The following RNF6 variants were observed in gnomAD, a reference collection of about 807,000 sequenced individuals.
RNF6 encodes E3 ubiquitin-protein ligase RNF6.
Under a neutral mutation model 50.1 loss-of-function variants are expected in RNF6, and 21 were observed. That is an observed-to-expected ratio of 0.42 (90% CI 0.30 to 0.60). RNF6 has a LOEUF of 0.60. Ranked by LOEUF, RNF6 falls within the 20% of genes least tolerant of loss-of-function variation. The pLI, the probability that RNF6 is intolerant of heterozygous loss-of-function variation, is 0.20. For missense variants in RNF6, 698 were observed against 838.2 expected, an observed-to-expected ratio of 0.83 and a Z score of 2.07; for synonymous variants, 255 against 291.8, an observed-to-expected ratio of 0.87 and a Z score of 1.29.
At chr13:26,160,065 T>C (rs1872122801) in intron 5 of RNF6, among the ~76,000 whole-genome samples, 2 of 152,168 alleles carry the variant, frequency 1.3e-5, no homozygotes, top group Non-Finnish European at 2.9e-5. Flanking sequence ...TTGTCTGAAC[T>C]ACAAATCTTA....
In RNF6 at chr13:26,215,381, T is replaced by A; in HGVS notation, c.501A>T (p.Glu167Asp). Residue 167 changes from glutamate to aspartate, a missense_variant, in exon 5 of 5, where the codon GAA becomes GAT. By Grantham distance (45) the Glu-to-Asp change is conservative. Coordinates refer to ENST00000381588, the MANE Select transcript of RNF6 (RefSeq NM_005977.4). The part of the protein sequence containing the change: ...HENRGFEIHG[E>D]DYTDIPLSDS... ...CTGAAAGTGGAATGTCTGTATAATC[T>A]TCTCCATGAATTTCAAATCCTCTAT... 1 of 1,614,234 alleles carries A rather than the reference T, an allele frequency of 6.2e-7. No individual in the cohort carries two copies. Among genetic ancestry groups the A allele is most frequent in the African/African-American group, 1.3e-5 (1 of 75,054 alleles).
chr13:26,148,304 T>C (rs1222788363), intron 5 of RNF6, among the ~76,000 whole-genome samples: 18 of 151,986 alleles, frequency 1.2e-4, no homozygotes, highest in Admixed American at 1.1e-3. Flanking sequence ...TGAGATGAGA[T>C]TTGGGTGGGG....
chr13:26,195,249 C>T (rs1868614935), intron 5 of RNF6, among the ~76,000 whole-genome samples: 1 of 109,558 alleles, frequency 9.1e-6, no homozygotes, highest in African/African-American at 3.5e-5. Context: ...AATACTAACA[C>T]AAATCAAGGC....
intron 5 of RNF6, among the ~76,000 whole-genome samples, chr13:26,188,355 T>C (rs555554533): frequency 6.6e-6 from 1 of 152,314 alleles, no homozygotes; most frequent in African/African-American, 2.4e-5. Flanking sequence ...AAGGACTTAA[T>C]TGTGGCACAG....
intron 5 of RNF6, among the ~76,000 whole-genome samples, chr13:26,197,407 G>A (rs1868708126): frequency 6.6e-6 from 1 of 151,926 alleles, no homozygotes; most frequent in African/African-American, 2.4e-5. Context: ...CCTTTGAAAT[G>A]TAATCATTAG....
intron 5 of RNF6, chr13:26,150,822 C>A (rs1028855149): frequency 2.0e-5 from 3 of 151,930 alleles, no homozygotes; most frequent in Admixed American, 1.3e-4. Flanking sequence ...TCTTCTATAA[C>A]CTCTTCAATG....
intron 5 of RNF6, among the ~76,000 whole-genome samples, chr13:26,183,921 T>C (rs1226902272): frequency 6.9e-6 from 1 of 144,660 alleles, no homozygotes; most frequent in African/African-American, 2.5e-5. Flanking sequence ...ATATATACAA[T>C]ATTTATTTTT....
At chr13:26,165,894 G>C (rs1290991454) in intron 5 of RNF6, among the ~76,000 whole-genome samples, 1 of 152,180 alleles carries the variant, frequency 6.6e-6, no homozygotes, top group Non-Finnish European at 1.5e-5. Flanking sequence ...GTGGACTTTT[G>C]AGTTAATGCT....
chr13:26,177,271 T>C (rs1873002729), intron 5 of RNF6, among the ~76,000 whole-genome samples: 1 of 152,202 alleles, frequency 6.6e-6, no homozygotes, highest in African/African-American at 2.4e-5. Context: ...TACCAGCGAC[T>C]CTACTTCATT....
chr13:26,182,392 C>A (rs532689286), intron 5 of RNF6, among the ~76,000 whole-genome samples: 3 of 152,180 alleles, frequency 2.0e-5, no homozygotes, highest in African/African-American at 7.2e-5. Flanking sequence ...ATGCCCTCCT[C>A]AATGAATCAC....
intron 5 of RNF6, among the ~76,000 whole-genome samples, chr13:26,180,683 T>G (rs1425346991): frequency 6.6e-6 from 1 of 152,226 alleles, no homozygotes; most frequent in Non-Finnish European, 1.5e-5. Context: ...ATTTAAGGTG[T>G]CTTTCCCTGA....
intron 5 of RNF6, among the ~76,000 whole-genome samples, chr13:26,168,474 G>A (rs1872545885): frequency 6.6e-6 from 1 of 152,170 alleles, no homozygotes; most frequent in Non-Finnish European, 1.5e-5. Flanking sequence ...TTTTGGGCAG[G>A]GGTAGGACCA....
At chr13:26,170,207 C>G (rs1872630447) in intron 5 of RNF6, among the ~76,000 whole-genome samples, 1 of 148,356 alleles carries the variant, frequency 6.7e-6, no homozygotes, top group South Asian at 2.2e-4. Flanking sequence ...GAGCAAACTT[C>G]CTGTTGAAAC....
intron 5 of RNF6, among the ~76,000 whole-genome samples, chr13:26,205,325 C>A (rs1006725794): frequency 6.6e-6 from 1 of 152,110 alleles, no homozygotes. Context: ...AGCCACATGA[C>A]CTTGAATAAA....
At chr13:26,154,525 T>A (rs1448527986) in intron 5 of RNF6, among the ~76,000 whole-genome samples, 1 of 152,238 alleles carries the variant, frequency 6.6e-6, no homozygotes, top group African/African-American at 2.4e-5. Context: ...CATTTGTTCA[T>A]TTATTCACTC....
intron 5 of RNF6, among the ~76,000 whole-genome samples, chr13:26,204,815 G>A (rs910658184): frequency 1.1e-4 from 17 of 152,144 alleles, no homozygotes; most frequent in African/African-American, 3.9e-4. Context: ...TAATTGAGAG[G>A]TATTCAATTC....
At chr13:26,200,122 A>T (rs1389414694) in intron 5 of RNF6, among the ~76,000 whole-genome samples, 3 of 152,224 alleles carry the variant, frequency 2.0e-5, no homozygotes, top group Non-Finnish European at 4.4e-5. Context: ...ACTGTAAGAA[A>T]TAAATATTTG....
rs1309316859 is a variant in RNF6, at chr13:26,214,699, G to A, written c.1183C>T (p.Pro395Ser). 1 of 1,614,206 alleles carries A rather than the reference G, an allele frequency of 6.2e-7. No individual in the cohort carries two copies. The highest frequency in any genetic ancestry group is 8.5e-7 in the Non-Finnish European group (1 of 1,180,036). ...SRSSTAVRRHPTITLDLQVRR... is the reference protein window; with the variant it reads ...SRSSTAVRRHSTITLDLQVRR... Reference sequence around the variant, plus strand: ...ACTTGAAGGTCCAGTGTGATTGTTGGATGTCGTCGTACAGCAGTTGAGGAT... The same window carrying A: ...ACTTGAAGGTCCAGTGTGATTGTTGAATGTCGTCGTACAGCAGTTGAGGAT... The change falls in exon 5 of 5, where the codon CCA becomes TCA. Residue 395 changes from proline to serine, a missense_variant. Coordinates refer to ENST00000381588, the MANE Select transcript of RNF6 (RefSeq NM_005977.4).
intron 5 of RNF6, among the ~76,000 whole-genome samples, chr13:26,149,886 A>ATACACACACAGTGTATATATAATGTG (rs1871467132): frequency 4.7e-5 from 5 of 105,908 alleles, no homozygotes; most frequent in African/African-American, 1.9e-4. Flanking sequence ...ATATATATAT[A>ATACACACACAGTGTATATATAATGTG]TATATATACA....
Sources: allele counts gnomAD v4.1 joint callset (sites outside exome capture counted in the v4.1 genomes callset), GRCh38; gene constraint gnomAD v4.1.1; transcripts MANE v1.5; gene names NCBI Gene and HGNC (gene_info 2026-07-23, HGNC 2026-07-21).